Variants in TLN2 observed in about 807,000 individuals in gnomAD.
TLN2 encodes talin-2.
TLN2 carries 118 observed loss-of-function variants against 294.7 expected under a neutral mutation model. The ratio of observed to expected loss-of-function variants is 0.40; its 90% CI spans 0.34 to 0.47. The LOEUF (loss-of-function observed/expected upper bound fraction) is 0.47, where lower values mean the gene tolerates loss of function less well. Among genes scored for constraint, TLN2 ranks in the 20% least tolerant of loss-of-function variants. The probability of loss-of-function intolerance (pLI) is 0.84; values close to 1 mark genes in which losing one functional copy is unlikely to be tolerated. For missense variants in TLN2, 3,083 were observed against 3,282.2 expected, an observed-to-expected ratio of 0.94 and a Z score of 1.48; for synonymous variants, 1,431 against 1,304.5, an observed-to-expected ratio of 1.10 and a Z score of -2.09.
At chr15:62,772,207 T>C (rs546295468) in intron 42 of TLN2, among the ~76,000 whole-genome samples, 1 of 152,240 alleles carries the variant, frequency 6.6e-6, no homozygotes, top group Admixed American at 6.5e-5. Context: ...TCCTCCCCAT[T>C]TAGCCTCCCA....
chr15:62,540,728 G>A (rs1310117665), intron 1 of TLN2, among the ~76,000 whole-genome samples: 2 of 152,120 alleles, frequency 1.3e-5, no homozygotes, highest in Admixed American at 6.5e-5. Context: ...TGCCTAGGGC[G>A]GCATTTGGAT....
At chr15:62,486,745 T>C (rs1341015495) in intron 1 of TLN2, among the ~76,000 whole-genome samples, 4 of 151,860 alleles carry the variant, frequency 2.6e-5, no homozygotes, top group Non-Finnish European at 4.4e-5. Context: ...TGTACAGGAG[T>C]TGAGCATTTA....
intron 1 of TLN2, among the ~76,000 whole-genome samples, chr15:62,544,614 C>G (rs1044498596): frequency 6.6e-6 from 1 of 152,160 alleles, no homozygotes; most frequent in East Asian, 1.9e-4. Flanking sequence ...TCCTGGAGAC[C>G]GCTTCTGGCT....
rs5813168 is a variant in TLN2 at position 62,739,775 on chromosome 15, CG to C, written c.3885+231del. Among the ~76,000 whole-genome samples the C allele has an allele frequency of 3.5e-3, 529 of 152,274 alleles. 3 individuals are homozygous for C. The highest frequency in any genetic ancestry group is 0.012 in the African/African-American group (483 of 41,548). ...TAGTAATAAAGAATAACTTCTCCCA[CG>C]ATCCTCCAGCAGAATTCATAGTCTT... On this transcript the variant is annotated intron_variant, in intron 31 of 58. Coordinates refer to ENST00000636159, the MANE Select transcript of TLN2 (RefSeq NM_015059.3).
intron 26 of TLN2, among the ~76,000 whole-genome samples, chr15:62,724,284 T>C (rs2060315889): frequency 6.6e-6 from 1 of 152,200 alleles, no homozygotes; most frequent in African/African-American, 2.4e-5. Context: ...AATCAATTAG[T>C]ATTTATTTCT....
At chr15:62,700,528 C>G (rs2141095069) in intron 16 of TLN2, among the ~76,000 whole-genome samples, 1 of 152,286 alleles carries the variant, frequency 6.6e-6, no homozygotes, top group African/African-American at 2.4e-5. Flanking sequence ...CTGTCACCTG[C>G]TAGTGGTAGA....
rs150674208 is a variant in TLN2 at position 62,781,176 on chromosome 15, T to A, written c.5551T>A (p.Phe1851Ile). Residue 1851 changes from phenylalanine (F) to isoleucine (I), a missense_variant, in exon 44 of 59, where the codon TTT (phenylalanine) becomes ATT (isoleucine). Coordinates refer to ENST00000636159, the MANE Select transcript of TLN2 (RefSeq NM_015059.3). ...CACTCCTCCAGAACCAAAGGGAACA[T>A]TTGTCGACTATCAGACGACTGTGGT... ...EGTPPEPKGT[F>I]VDYQTTVVKY... The A allele has an allele frequency of 6.8e-6, 11 of 1,614,090 alleles. No homozygotes were observed. Among genetic ancestry groups the A allele is most frequent in the Non-Finnish European group, 9.3e-6 (11 of 1,180,028 alleles).
In TLN2 at chr15:62,477,950, A is replaced by G. The variant is rs533037671; in HGVS notation, c.-238+87265A>G. Among the ~76,000 whole-genome samples the G allele has an allele frequency of 1.4e-3, 215 of 152,002 alleles. 1 individual carries two copies. Among genetic ancestry groups the G allele is most frequent in the African/African-American group, 4.9e-3 (204 of 41,396 alleles). ...AGGGGAGCGGGGCGTTGCAGGCTCA[A>G]CATTGTCCAGCTGCTGCAGTAGACC... On this transcript the variant is annotated intron_variant, in intron 1 of 58. Transcript: ENST00000636159.
At chr15:62,671,497 T>C (rs2055419094) in intron 9 of TLN2, among the ~76,000 whole-genome samples, 1 of 152,202 alleles carries the variant, frequency 6.6e-6, no homozygotes, top group African/African-American at 2.4e-5. Context: ...CTTTTGCATG[T>C]GAACATCCTG....
At chr15:62,443,175 G>A (rs2035641039) in intron 1 of TLN2, among the ~76,000 whole-genome samples, 1 of 152,086 alleles carries the variant, frequency 6.6e-6, no homozygotes, top group African/African-American at 2.4e-5. Context: ...TGAGGATTGG[G>A]GTGTGAATAT....
chr15:62,548,689 T>A (rs2042126303), intron 1 of TLN2, among the ~76,000 whole-genome samples: 1 of 152,172 alleles, frequency 6.6e-6, no homozygotes. Flanking sequence ...CTAATCAGAA[T>A]ACGGTTGAAA....
chr15:62,842,937 G>C lies in TLN2; in HGVS notation c.*2327G>C, dbSNP rs1235490765. 1 of 152,190 alleles carries C rather than the reference G, an allele frequency of 6.6e-6. No individual in the cohort carries two copies. The highest frequency in any genetic ancestry group is 1.5e-5 in the Non-Finnish European group (1 of 68,068). 9.4% of individuals were successfully genotyped at this position (152,190 alleles called of 1,614,324 possible). A position where few individuals can be genotyped will look rare whatever the true frequency, so the allele number is the denominator to read the frequency against. ...TGTGAACGGCTTCGTGGCCGGTGTG[G>C]TGGTTTCTCATTTCATAAGATAGTT... is the stretch of plus-strand genomic sequence containing the variant. On this transcript the variant is annotated 3_prime_UTR_variant, in exon 59 of 59. Transcript: ENST00000636159.
chr15:62,779,990 A>G (rs574641601), intron 43 of TLN2, among the ~76,000 whole-genome samples: 12 of 152,320 alleles, frequency 7.9e-5, no homozygotes, highest in East Asian at 7.7e-4. Flanking sequence ...CTTGGCCCCA[A>G]TCTCATCTCT....
At chr15:62,700,889 C>A (rs931689768) in intron 16 of TLN2, among the ~76,000 whole-genome samples, 1 of 152,148 alleles carries the variant, frequency 6.6e-6, no homozygotes, top group Non-Finnish European at 1.5e-5. Flanking sequence ...ACATAATTAA[C>A]ATAAGACACA....
rs530703627 is a variant in TLN2 at position 62,672,317 on chromosome 15, A to G, written c.789-1510A>G. Among the ~76,000 whole-genome samples the G allele has an allele frequency of 2.2e-4, 34 of 152,316 alleles. No individual in the cohort carries two copies. The South Asian group carries it at 7.1e-3, about 32-fold the overall frequency. On this transcript the variant is annotated intron_variant, in intron 9 of 58. Transcript: ENST00000636159. ...ACCTTAGCAGTCTCTTAAGGTGACC[A>G]ATGATTTTTTAAAAAAATCTTTGTA... is the stretch of plus-strand genomic sequence containing the variant.
At chr15:62,603,775 CTG>C (rs954687652) in intron 2 of TLN2, among the ~76,000 whole-genome samples, 44 of 152,290 alleles carry the variant, frequency 2.9e-4, no homozygotes, top group African/African-American at 1.0e-3. Flanking sequence ...TCGGTGGAAT[CTG>C]TGTTATGTCT....
chr15:62,739,653 C>A, intron 31 of TLN2, 108 bp downstream of exon 31: 2 of 1,357,358 alleles, frequency 1.5e-6, no homozygotes, highest in Non-Finnish European at 2.0e-6. Flanking sequence ...TGGAAACAGG[C>A]AGGCCATGGT....
At chr15:62,420,387 ATGTCCTACC>A (rs2034320051) in intron 1 of TLN2, among the ~76,000 whole-genome samples, 1 of 151,944 alleles carries the variant, frequency 6.6e-6, no homozygotes, top group Non-Finnish European at 1.5e-5. Flanking sequence ...CTGTGTGTAG[ATGTCCTACC>A]TGCTGTATTT....
At chr15:62,485,924 C>T (rs935863672) in intron 1 of TLN2, among the ~76,000 whole-genome samples, 6 of 151,918 alleles carry the variant, frequency 3.9e-5, no homozygotes, top group African/African-American at 1.5e-4. Flanking sequence ...ATTTAACAGA[C>T]GTTACTGTGG....
Sources: gnomAD v4.1 joint callset for allele counts (sites outside exome capture counted in the v4.1 genomes callset) on GRCh38, gnomAD v4.1.1 for gene constraint, MANE v1.5 for transcripts, NCBI Gene and HGNC (gene_info 2026-07-23, HGNC 2026-07-21) for gene names.